AXDND1: variants seen among roughly 807,000 people sequenced by gnomAD.
The protein encoded by AXDND1 is axonemal dynein light chain domain-containing protein 1.
Under a neutral mutation model 137.5 loss-of-function variants are expected in AXDND1, and 110 were observed. The ratio of observed to expected loss-of-function variants is 0.80; its 90% CI spans 0.69 to 0.94. The LOEUF is 0.94. Ranked by LOEUF, AXDND1 falls within the 40% of genes least tolerant of loss-of-function variation. The pLI is 0.00. For synonymous variants in AXDND1, 414 were observed against 399.7 expected, an observed-to-expected ratio of 1.04 and a Z score of -0.43; for missense variants, 1,191 against 1,169.8, an observed-to-expected ratio of 1.02 and a Z score of -0.26.
chr1:179,379,109 T>G (rs527443458), intron 5 of AXDND1, among the ~76,000 whole-genome samples: 1 of 152,290 alleles, frequency 6.6e-6, no homozygotes, highest in South Asian at 2.1e-4. Flanking sequence ...TTAAATTCCC[T>G]GCTGAATTTA....
At chr1:179,461,845 CT>C (rs1321265159) in intron 16 of AXDND1, among the ~76,000 whole-genome samples, 1 of 151,610 alleles carries the variant, frequency 6.6e-6, no homozygotes, top group Non-Finnish European at 1.5e-5. Flanking sequence ...TGATTTGGCT[CT>C]GTTTGTTATT....
At chr1:179,509,424 T>C in intron 21 of AXDND1, 21 bp downstream of exon 21, 1 of 1,432,558 alleles carries the variant, frequency 7.0e-7, no homozygotes, top group South Asian at 1.2e-5. Flanking sequence ...CATGTTAGCG[T>C]TGGTCATTAT....
intron 16 of AXDND1, among the ~76,000 whole-genome samples, chr1:179,460,263 A>C (rs114744994): frequency 6.6e-6 from 1 of 151,868 alleles, no homozygotes; most frequent in Admixed American, 6.6e-5. Context: ...TCATTGTTCA[A>C]TTCTCACATA....
chr1:179,547,996 C>G (rs1435584337), intron 25 of AXDND1, among the ~76,000 whole-genome samples: 1 of 152,104 alleles, frequency 6.6e-6, no homozygotes, highest in African/African-American at 2.4e-5. Flanking sequence ...TTTTGCTCTA[C>G]TATGATCCCG....
In AXDND1 at chr1:179,456,170, T is replaced by C. The variant is rs575463820; in HGVS notation, c.1798+10966T>C. ...GAGTTCACAAATCTGTTGTAACCTG[T>C]AGCTTCCCTGTCACTTCTCTGGATC... On this transcript the variant is annotated intron_variant, in intron 16 of 25. Coordinates refer to ENST00000367618, the MANE Select transcript of AXDND1 (RefSeq NM_144696.6). 2.3e-5 allele frequency: 15 copies of C among 662,772 alleles called. No individual in the cohort carries two copies. In the African/African-American group the frequency reaches 2.5e-4, roughly 11 times the overall value. The allele number at this position is 662,772 out of a possible 1,614,324, so 41.1% of individuals were successfully genotyped here.
In AXDND1 at chr1:179,430,521, C is replaced by G; in HGVS notation, c.1402C>G (p.Gln468Glu). Residue 468 changes from glutamine to glutamate, a missense_variant, in exon 14 of 26, where the codon CAA (glutamine) becomes GAA (glutamate). Transcript: ENST00000367618. Reference sequence around the variant, plus strand: ...GAGAAACTTAGTGAATAAACTTAAACAAGAGGTAGAACAAATGGAAGAGTC... The same window carrying G: ...GAGAAACTTAGTGAATAAACTTAAAGAAGAGGTAGAACAAATGGAAGAGTC... ...KWRNLVNKLK[Q>E]EVEQMEESTS... The G allele has an allele frequency of 6.2e-7, 1 of 1,613,710 alleles. No individual in the cohort carries two copies. The highest frequency in any genetic ancestry group is 8.5e-7 in the Non-Finnish European group (1 of 1,179,872).
In AXDND1 at chr1:179,497,039, A is replaced by G. The variant is rs183656005; in HGVS notation, c.2388+4088A>G. ...TGCTATTGATTTGTAATATGATTTC[A>G]TTGTAGTCAGAGAACATATTTTGTA... On this transcript the variant is annotated intron_variant, in intron 20 of 25. Transcript: ENST00000367618. 1.1e-3 allele frequency among the ~76,000 whole-genome samples: 162 copies of G among 152,204 alleles called. 1 individual carries two copies. The highest frequency in any genetic ancestry group is 3.4e-3 in the Middle Eastern group (1 of 294).
At position 179,430,469 on chromosome 1, in the gene AXDND1, A is replaced by G. The variant is rs149836206; in HGVS notation, c.1350A>G (p.Ala450=). 1.1e-5 allele frequency: 17 copies of G among 1,613,064 alleles called. No homozygotes were observed. The African/African-American group carries it at 1.7e-4, about 16-fold the overall frequency. Residue 450 remains alanine (A), a synonymous_variant, in exon 14 of 26, where the codon GCA becomes GCG. Transcript: ENST00000367618. The part of the protein sequence containing the change: ...LLSNKDTEDL[A]LLQKLTQKWR... ...TTATATAGGACACTGAAGACCTTGC[A>G]CTGTTGCAGAAGTTGACACAAAAAT...
chr1:179,411,073 C>A (rs1653790945), intron 11 of AXDND1, 73 bp from the exon 12 acceptor site: 1 of 1,238,006 alleles, frequency 8.1e-7, no homozygotes, highest in Non-Finnish European at 1.1e-6. Flanking sequence ...AAACAAATTT[C>A]TTTTTTAAAA....
intron 18 of AXDND1, among the ~76,000 whole-genome samples, chr1:179,488,014 A>AAAAAG (rs1320560418): frequency 0.019 from 2,461 of 129,758 alleles, 291 homozygotes; most frequent in African/African-American, 0.066. Flanking sequence ...AAAAAAAAAA[A>AAAAAG]AGAGAAATTT....
At chr1:179,441,620 T>C (rs1659002745) in intron 15 of AXDND1, among the ~76,000 whole-genome samples, 1 of 152,220 alleles carries the variant, frequency 6.6e-6, no homozygotes, top group Non-Finnish European at 1.5e-5. Context: ...TACTTGCACA[T>C]AGGGTTCCTG....
At chr1:179,414,411 CTTTA>C (rs80339851) in intron 12 of AXDND1, among the ~76,000 whole-genome samples, 44,050 of 149,106 alleles carry the variant, frequency 0.3, 6,664 homozygotes, top group Non-Finnish European at 0.32. Context: ...CCAAATTAAT[CTTTA>C]TTTATTTATT....
intron 14 of AXDND1, among the ~76,000 whole-genome samples, chr1:179,431,021 C>A (rs1405987207): frequency 6.6e-6 from 1 of 152,140 alleles, no homozygotes; most frequent in Non-Finnish European, 1.5e-5. Context: ...TTAGAGAAAT[C>A]TGACAATGAA....
intron 11 of AXDND1, among the ~76,000 whole-genome samples, chr1:179,402,254 A>G (rs557875853): frequency 2.6e-5 from 4 of 152,016 alleles, no homozygotes; most frequent in Admixed American, 6.5e-5. Context: ...ACTTTATTCA[A>G]TTTTTGCCTA....
chr1:179,553,870 T>C (rs928144037), intron 25 of AXDND1, among the ~76,000 whole-genome samples: 1 of 151,416 alleles, frequency 6.6e-6, no homozygotes, highest in Non-Finnish European at 1.5e-5. Flanking sequence ...CTCAGCCTCC[T>C]GAGTAGCTGG....
At chr1:179,366,633 A>C in intron 2 of AXDND1, 27 bp downstream of exon 2, 3 of 1,557,390 alleles carry the variant, frequency 1.9e-6, no homozygotes, top group Non-Finnish European at 2.7e-6. Flanking sequence ...CTGAAGTCAT[A>C]AACAGTCATG....
chr1:179,366,381 A>ATTTTTT, intron 1 of AXDND1, 23 bp from the exon 2 acceptor site: 1 of 584,466 alleles, frequency 1.7e-6, no homozygotes. Flanking sequence ...TTTTTTTTTA[A>ATTTTTT]ATCTTTTTTC....
chr1:179,537,316 G>T (rs1671651078), intron 25 of AXDND1, among the ~76,000 whole-genome samples: 1 of 152,174 alleles, frequency 6.6e-6, no homozygotes, highest in Non-Finnish European at 1.5e-5. Context: ...TGCCCATCCA[G>T]TATGATATTG....
intron 15 of AXDND1, 135 bp from the exon 16 acceptor site, chr1:179,444,835 C>T: frequency 3.7e-6 from 2 of 546,786 alleles, no homozygotes; most frequent in East Asian, 5.9e-5. Context: ...CATATACCAT[C>T]TCTTTGGAGC....
Sources: allele counts gnomAD v4.1 joint callset (sites outside exome capture counted in the v4.1 genomes callset), GRCh38; gene constraint gnomAD v4.1.1; transcripts MANE v1.5; gene names NCBI Gene and HGNC (gene_info 2026-07-23, HGNC 2026-07-21).